Variants in DDX46 observed in about 807,000 individuals in gnomAD.
The protein encoded by DDX46 is DEAD-box helicase 46, also known as probable ATP-dependent RNA helicase DDX46.
DDX46 carries 30 observed loss-of-function variants against 134.9 expected under a neutral mutation model. The observed-to-expected ratio is 0.22, with a 90% CI of 0.17 to 0.30. The LOEUF (loss-of-function observed/expected upper bound fraction) is 0.30. Among genes scored for constraint, DDX46 ranks in the 10% least tolerant of loss-of-function variants. The pLI is 1.00. For synonymous variants in DDX46, 415 were observed against 404.1 expected (o/e 1.03, Z -0.32); for missense variants, 622 against 1,248.7 (o/e 0.50, Z 7.56).
chr5:134,759,971 T>C (rs1171402096), intron 1 of DDX46, among the ~76,000 whole-genome samples: 1 of 152,208 alleles, frequency 6.6e-6, no homozygotes, highest in East Asian at 1.9e-4. Flanking sequence ...TTCTACATCC[T>C]TTGCCCATTC....
chr5:134,821,947 C>G (rs1201396563), intron 21 of DDX46, among the ~76,000 whole-genome samples: 1 of 147,620 alleles, frequency 6.8e-6, no homozygotes, highest in Non-Finnish European at 1.5e-5. Flanking sequence ...GGCTGGAGTG[C>G]AATGGTGCTG....
rs575345608 is a variant in DDX46 at position 134,827,268 on chromosome 5, T to C, written c.3051+248T>C. On this transcript the variant is annotated intron_variant, in intron 22 of 22. Coordinates refer to ENST00000452510, the MANE Select transcript of DDX46 (RefSeq NM_001300860.2). ...ACAAAACCATACCTTGAATTTTTTT[T>C]CTTTTCTTTTCTTTTTTTTTTTTGG... Among the ~76,000 whole-genome samples the C allele has an allele frequency of 3.3e-5, 5 of 151,926 alleles. No homozygotes were observed. The South Asian group carries it at 1.0e-3, about 32-fold the overall frequency.
rs202100525 is a variant in DDX46, at chr5:134,794,938, G to T, written c.1715G>T (p.Arg572Leu). The change falls in exon 14 of 23, where the codon CGC (arginine) becomes CTC (leucine). Residue 572 changes from arginine to leucine, a missense_variant. Arg to Leu is a moderately radical substitution (Grantham distance 102, BLOSUM62 -2). Around this residue, in one of 8 missense-constraint regions of DDX46, gnomAD observed 209 missense variants for 508.4 expected, o/e 0.41. Coordinates refer to ENST00000452510, the MANE Select transcript of DDX46 (RefSeq NM_001300860.2). ...CCCAGAGCTATGGAGGCTTTGGCTC[G>T]CAGGATCCTCAGTAAACCTATTGAA... is the stretch of plus-strand genomic sequence containing the variant. ...TFPRAMEALARRILSKPIEVQ... is the reference protein window; with the variant it reads ...TFPRAMEALALRILSKPIEVQ... The T allele has an allele frequency of 6.2e-7, 1 of 1,614,126 alleles. No homozygotes were observed. Among genetic ancestry groups the T allele is most frequent in the Non-Finnish European group, 8.5e-7 (1 of 1,180,028 alleles).
chr5:134,785,496 T>C lies in DDX46; in HGVS notation c.1374T>C (p.Ala458=), dbSNP rs1353809917. The C allele has an allele frequency of 6.2e-7, 1 of 1,613,660 alleles. No homozygotes were observed. ...TCATGACTCCAACTCGAGAACTGGCTTTACAGATTACTAAAGAGTGTAAGA... is the reference window on the plus strand; with the variant it reads ...TCATGACTCCAACTCGAGAACTGGCCTTACAGATTACTAAAGAGTGTAAGA... ...AVIMTPTREL[A]LQITKECKKF... Residue 458 remains alanine, a synonymous_variant, in exon 11 of 23, where the codon GCT becomes GCC. Coordinates refer to ENST00000452510, the MANE Select transcript of DDX46 (RefSeq NM_001300860.2).
intron 15 of DDX46, among the ~76,000 whole-genome samples, chr5:134,801,224 G>A (rs940673298): frequency 5.9e-5 from 9 of 152,104 alleles, no homozygotes; most frequent in Middle Eastern, 3.4e-3. Flanking sequence ...TCAGTGAGCC[G>A]AGATTATGCC....
At chr5:134,797,713 C>G (rs2150149833) in intron 15 of DDX46, among the ~76,000 whole-genome samples, 1 of 152,342 alleles carries the variant, frequency 6.6e-6, no homozygotes, top group Admixed American at 6.5e-5. Context: ...TAGGACATAT[C>G]TTTGAAATAC....
At chr5:134,759,826 A>G (rs1351684484) in intron 1 of DDX46, among the ~76,000 whole-genome samples, 1 of 152,224 alleles carries the variant, frequency 6.6e-6, no homozygotes, top group African/African-American at 2.4e-5. Flanking sequence ...CTGGATGAAG[A>G]TAAAAAATAT....
At position 134,816,610 on chromosome 5, in the gene DDX46, A is replaced by G; in HGVS notation, c.2613+4A>G. On this transcript the variant is annotated splice_donor_region_variant and intron_variant, in intron 19 of 22. Coordinates refer to ENST00000452510, the MANE Select transcript of DDX46 (RefSeq NM_001300860.2). ...TTTGGGCATCGAGTCTCAGGTATTAAGTAATTTGTTCCAAGTCTCAGTCAA... is the reference window on the plus strand; with the variant it reads ...TTTGGGCATCGAGTCTCAGGTATTAGGTAATTTGTTCCAAGTCTCAGTCAA... The G allele has an allele frequency of 4.3e-6, 7 of 1,611,236 alleles. No individual in the cohort carries two copies. The highest frequency in any genetic ancestry group is 5.9e-6 in the Non-Finnish European group (7 of 1,179,500).
intron 16 of DDX46, among the ~76,000 whole-genome samples, 199 bp downstream of exon 16, chr5:134,808,140 C>T (rs1755041798): frequency 6.6e-6 from 1 of 152,204 alleles, no homozygotes; most frequent in Admixed American, 6.5e-5. Flanking sequence ...TACCTAGCTG[C>T]TCTTTGTAGG....
intron 18 of DDX46, 79 bp from the exon 19 acceptor site, chr5:134,816,351 T>C: frequency 7.5e-7 from 1 of 1,335,080 alleles, no homozygotes; most frequent in Non-Finnish European, 1.0e-6. Context: ...GAAACATTCC[T>C]TATTTATTTC....
At chr5:134,795,169 A>G (rs1268856501) in intron 14 of DDX46, among the ~76,000 whole-genome samples, 155 bp downstream of exon 14, 2 of 150,904 alleles carry the variant, frequency 1.3e-5, no homozygotes, top group Non-Finnish European at 2.9e-5. Context: ...AGATAAACTT[A>G]ACTGTGCTGT....
At chr5:134,827,279 C>CTT (rs1364218039) in intron 22 of DDX46, among the ~76,000 whole-genome samples, 2 of 145,126 alleles carry the variant, frequency 1.4e-5, no homozygotes, top group Non-Finnish European at 1.5e-5. Flanking sequence ...CTTTTCTTTT[C>CTT]TTTTTTTTTT....
intron 13 of DDX46, among the ~76,000 whole-genome samples, chr5:134,794,281 G>A (rs539467230): frequency 3.9e-5 from 6 of 152,294 alleles, no homozygotes; most frequent in African/African-American, 1.2e-4. Context: ...AACTGCTACT[G>A]TGCTACCAGC....
At chr5:134,811,173 A>G in intron 16 of DDX46, 48 bp from the exon 17 acceptor site, 4 of 1,559,812 alleles carry the variant, frequency 2.6e-6, no homozygotes, top group Non-Finnish European at 1.8e-6. Flanking sequence ...TCTAAGTAGG[A>G]TCCATCTTGT....
At chr5:134,819,819 G>T (rs905959527) in intron 21 of DDX46, among the ~76,000 whole-genome samples, 3 of 152,068 alleles carry the variant, frequency 2.0e-5, no homozygotes, top group African/African-American at 7.2e-5. Flanking sequence ...GCAGGCATGA[G>T]CCAATGTGCC....
intron 15 of DDX46, among the ~76,000 whole-genome samples, chr5:134,806,976 A>G (rs545653304): frequency 6.6e-6 from 1 of 152,098 alleles, no homozygotes; most frequent in African/African-American, 2.4e-5. Flanking sequence ...TAATTTGCAT[A>G]TGATAATCAC....
intron 21 of DDX46, among the ~76,000 whole-genome samples, chr5:134,822,699 C>A (rs1041777518): frequency 1.2e-4 from 18 of 152,120 alleles, no homozygotes; most frequent in African/African-American, 4.1e-4. Context: ...CCTCAGCCCC[C>A]CATTTAGCTG....
Position 134,828,650 on chromosome 5 carries a change from C to T in DDX46, c.3052-9C>T. 6.7e-7 allele frequency: 1 copy of T among 1,490,964 alleles called. No individual in the cohort carries two copies. Among genetic ancestry groups the T allele is most frequent in the South Asian group, 1.4e-5 (1 of 70,012 alleles). 92.4% of individuals were successfully genotyped at this position (1,490,964 alleles called of 1,614,324 possible). On this transcript the variant is annotated splice_polypyrimidine_tract_variant and intron_variant, in intron 22 of 22. Transcript: ENST00000452510. ...TCTCTGATGACATATCTTTTATTTC[C>T]TATTACAGCAAAATTCATACCAACC...
At chr5:134,807,520 A>G (rs779950775) in intron 15 of DDX46, among the ~76,000 whole-genome samples, 10 of 152,248 alleles carry the variant, frequency 6.6e-5, no homozygotes, top group Non-Finnish European at 8.8e-5. Flanking sequence ...TTGCAAATAT[A>G]AACCTTATAT....
Sources: allele counts gnomAD v4.1 joint callset (sites outside exome capture counted in the v4.1 genomes callset), GRCh38; gene constraint gnomAD v4.1.1; regional missense constraint gnomAD v4.1.1; transcripts MANE v1.5; gene names NCBI Gene and HGNC (gene_info 2026-07-23, HGNC 2026-07-21).